CATSPER2: variants seen among roughly 807,000 people sequenced by gnomAD.
CATSPER2 encodes the protein cation channel sperm-associated protein 2.
A neutral mutation model predicts 68.8 loss-of-function variants in CATSPER2; 56 were observed. That is an observed-to-expected ratio of 0.81 (90% CI 0.66 to 1.02). The LOEUF (loss-of-function observed/expected upper bound fraction) is 1.02, where lower values mean the gene tolerates loss of function less well. CATSPER2 is among the 50% of genes least tolerant of loss of function. The pLI is 0.00. For missense variants in CATSPER2, 582 were observed against 642.0 expected (o/e 0.91, Z 1.01); for synonymous variants, 198 against 229.9 (o/e 0.86, Z 1.26).
At chr15:43,636,995 A>G (rs1285413073) in intron 7 of CATSPER2, among the ~76,000 whole-genome samples, 2 of 150,028 alleles carry the variant, frequency 1.3e-5, no homozygotes, top group East Asian at 2.0e-4. Flanking sequence ...GCTAATTTTC[A>G]TATTTTTAGT....
At chr15:43,633,348 T>C (rs991200141) in intron 10 of CATSPER2, 2 of 248,284 alleles carry the variant, frequency 8.1e-6, no homozygotes, top group Admixed American at 1.0e-4. Context: ...CACTCCTCTG[T>C]TCTGCTTGCC....
chr15:43,648,671 C>T lies in CATSPER2; in HGVS notation c.-45G>A, dbSNP rs2086219187. Reference sequence around the variant, plus strand: ...TTGCCCACTCAGTCCTTATTTCACGCTTCCGCCTCCAGCTCAGGTGCCCCG... The same window carrying T: ...TTGCCCACTCAGTCCTTATTTCACGTTTCCGCCTCCAGCTCAGGTGCCCCG... On this transcript the variant is annotated 5_prime_UTR_variant, in exon 1 of 13. Coordinates refer to ENST00000396879, the MANE Select transcript of CATSPER2 (RefSeq NM_172095.4). The T allele has an allele frequency of 2.1e-6, 3 of 1,425,390 alleles. No individual in the cohort carries two copies. The highest frequency in any genetic ancestry group is 2.7e-6 in the Non-Finnish European group (3 of 1,093,236). 88.3% of individuals were successfully genotyped at this position (1,425,390 alleles called of 1,614,324 possible).
chr15:43,645,543 T>C (rs998582711), intron 4 of CATSPER2, among the ~76,000 whole-genome samples: 1 of 151,698 alleles, frequency 6.6e-6, no homozygotes, highest in African/African-American at 2.4e-5. Context: ...TCCCAGCACT[T>C]TGGGAGGCTA....
intron 7 of CATSPER2, chr15:43,637,676 A>G (rs1368482221): frequency 2.6e-5 from 4 of 151,976 alleles, no homozygotes; most frequent in African/African-American, 9.7e-5. Flanking sequence ...TCCTTGCACA[A>G]GGGCCATGCT....
chr15:43,648,081 G>A lies in CATSPER2; in HGVS notation c.-2-18C>T. The A allele has an allele frequency of 1.9e-6, 3 of 1,612,942 alleles. No homozygotes were observed. The highest frequency in any genetic ancestry group is 2.2e-5 in the South Asian group (2 of 91,024). On this transcript the variant is annotated intron_variant, in intron 1 of 12. Transcript: ENST00000396879. ...GGCCATGTCTGCTAAGAAAATGTAA[G>A]CATCAAGTGTCATTTCATTCTTGGA...
At chr15:43,635,263 A>G in intron 10 of CATSPER2, 97 bp downstream of exon 10, 1 of 1,116,550 alleles carries the variant, frequency 9.0e-7, no homozygotes, top group South Asian at 1.2e-5. Context: ...CAGTTATTAA[A>G]TGAATGAATT....
rs1228346882 is a variant in CATSPER2 at position 43,633,133 on chromosome 15, T to G, written c.1179-199A>C. On this transcript the variant is annotated intron_variant, in intron 10 of 12. Transcript: ENST00000396879. Reference sequence around the variant, plus strand: ...CTTAACTCTTCTCTCCCCTCCCATATCCAGTCCATCAAGAAATCCTGCTGA... The same window carrying G: ...CTTAACTCTTCTCTCCCCTCCCATAGCCAGTCCATCAAGAAATCCTGCTGA... 8 of 830,978 alleles carry G rather than the reference T, an allele frequency of 9.6e-6. No homozygotes were observed. In the East Asian group the frequency reaches 2.2e-4, roughly 23 times the overall value. The allele number at this position is 830,978 out of a possible 1,614,324, so 51.5% of individuals were successfully genotyped here. A position where few individuals can be genotyped will look rare whatever the true frequency, so the allele number is the denominator to read the frequency against.
intron 5 of CATSPER2, chr15:43,640,016 T>A (rs1272830648): frequency 1.4e-5 from 20 of 1,446,978 alleles, no homozygotes; most frequent in Non-Finnish European, 1.6e-5. Flanking sequence ...TCATGGTTAT[T>A]TAATTGGGTT....
Position 43,648,773 on chromosome 15 carries a change from A to T in CATSPER2, c.-147T>A, listed in dbSNP as rs769489427. ...TGCGCCCCATTCCCCGCCCCGCTCG[A>T]CCCCCAGGTTTCGGCTCACCCCGGG... On this transcript the variant is annotated 5_prime_UTR_variant, in exon 1 of 13. Transcript: ENST00000396879. 8.8e-5 allele frequency: 134 copies of T among 1,521,370 alleles called. 1 individual carries two copies. The highest frequency in any genetic ancestry group is 1.2e-4 in the Non-Finnish European group (133 of 1,138,724). 94.2% of individuals were successfully genotyped at this position (1,521,370 alleles called of 1,614,324 possible).
intron 11 of CATSPER2, 89 bp downstream of exon 11, chr15:43,632,628 C>T: frequency 6.3e-7 from 1 of 1,585,870 alleles, no homozygotes; most frequent in Non-Finnish European, 8.6e-7. Context: ...AGGAGATATA[C>T]TAGGAGAGCT....
intron 10 of CATSPER2, chr15:43,634,366 A>G (rs2085928092): frequency 6.6e-6 from 1 of 151,850 alleles, no homozygotes; most frequent in Non-Finnish European, 1.5e-5. Flanking sequence ...GACCACAGGA[A>G]CACACCACCA....
Position 43,640,407 on chromosome 15 carries a change from C to T in CATSPER2, c.478G>A (p.Glu160Lys). The stretch of plus-strand genomic sequence containing the variant: ...TTGGATAGCCACTTAAGAAGGATCT[C>T]CAGGATGAAAATAAGCAAGATAAAC... ...AWFILLIFIL[E>K]ILLKWLSNFS... The change falls in exon 5 of 13, where the codon GAG becomes AAG. Residue 160 changes from glutamate to lysine, a missense_variant. By Grantham distance (56) the Glu-to-Lys change is moderately conservative. Coordinates refer to ENST00000396879, the MANE Select transcript of CATSPER2 (RefSeq NM_172095.4). 6.2e-7 allele frequency: 1 copy of T among 1,613,006 alleles called. No homozygotes were observed. Among genetic ancestry groups the T allele is most frequent in the Non-Finnish European group, 8.5e-7 (1 of 1,179,434 alleles).
intron 7 of CATSPER2, 127 bp downstream of exon 7, chr15:43,638,777 C>G: frequency 2.7e-6 from 3 of 1,118,650 alleles, no homozygotes; most frequent in Non-Finnish European, 4.0e-6. Context: ...CTTTCCCTCT[C>G]CCTATTGTGT....
At chr15:43,646,659 T>C (rs1205167721) in intron 4 of CATSPER2, among the ~76,000 whole-genome samples, 1 of 151,448 alleles carries the variant, frequency 6.6e-6, no homozygotes. Flanking sequence ...CATTCAAAAA[T>C]GTAAAATGAT....
chr15:43,647,820 A>T, intron 2 of CATSPER2, 97 bp downstream of exon 2: 1 of 1,347,252 alleles, frequency 7.4e-7, no homozygotes. Flanking sequence ...AGTTTGGTAA[A>T]CCAGCAACTA....
Position 43,636,380 on chromosome 15 carries a change from T to C in CATSPER2, c.843-161A>G, listed in dbSNP as rs182337134. On this transcript the variant is annotated intron_variant, in intron 7 of 12. Coordinates refer to ENST00000396879, the MANE Select transcript of CATSPER2 (RefSeq NM_172095.4). The stretch of plus-strand genomic sequence containing the variant: ...AGTTTTTAGCTAATCATTCTATAGT[T>C]TGAAGTTTTTTTTTGTTGTTGTTTT... Among the ~76,000 whole-genome samples the C allele has an allele frequency of 7.2e-5, 11 of 151,988 alleles. No individual in the cohort carries two copies. In the East Asian group the frequency reaches 2.1e-3, roughly 29 times the overall value.
chr15:43,634,965 G>A (rs2085937358), intron 10 of CATSPER2: 1 of 259,170 alleles, frequency 3.9e-6, no homozygotes. Context: ...TCTGGCAGCT[G>A]CCTGGCATTC....
chr15:43,648,596 C>T, intron 1 of CATSPER2, 33 bp downstream of exon 1: 1 of 1,378,816 alleles, frequency 7.3e-7, no homozygotes, highest in Non-Finnish European at 9.4e-7. Flanking sequence ...GGGCTAGCTC[C>T]TTCTCTCCTC....
At chr15:43,636,304 A>C (rs539031374) in intron 7 of CATSPER2, 85 bp from the exon 8 acceptor site, 1 of 1,531,644 alleles carries the variant, frequency 6.5e-7, no homozygotes, top group Admixed American at 1.8e-5. Context: ...AAGAAACATA[A>C]AGCATTTCTT....
Sources: gnomAD v4.1 joint callset for allele counts (sites outside exome capture counted in the v4.1 genomes callset) on GRCh38, gnomAD v4.1.1 for gene constraint, MANE v1.5 for transcripts, NCBI Gene and HGNC (gene_info 2026-07-23, HGNC 2026-07-21) for gene names.